Variants in CNTN6 observed in about 807,000 individuals in gnomAD.
CNTN6 encodes the protein contactin 6.
Under a neutral mutation model 122.8 loss-of-function variants are expected in CNTN6, and 137 were observed. That is an observed-to-expected ratio of 1.12 (90% CI 0.97 to 1.29). CNTN6 has a LOEUF of 1.29. Ranked by LOEUF, CNTN6 falls within the 50% of genes most tolerant of loss-of-function variation. The pLI is 0.00. For synonymous variants in CNTN6, 570 were observed against 426.0 expected (o/e 1.34, Z -4.16); for missense variants, 1,634 against 1,223.4 (o/e 1.34, Z -5.01).
intron 1 of CNTN6, among the ~76,000 whole-genome samples, chr3:1,127,083 A>G (rs1393389524): frequency 1.3e-5 from 2 of 151,690 alleles, no homozygotes; most frequent in East Asian, 1.9e-4. Flanking sequence ...TATATATTTT[A>G]TATGTGCTAT....
chr3:1,242,963 G>A (rs190911852), intron 4 of CNTN6, among the ~76,000 whole-genome samples: 3,305 of 138,410 alleles, frequency 0.024, 161 homozygotes, highest in East Asian at 0.16. Context: ...GGTAGCCTCC[G>A]TATTGATTAA....
intron 4 of CNTN6, among the ~76,000 whole-genome samples, chr3:1,273,058 A>T (rs1273120597): frequency 6.6e-6 from 1 of 152,102 alleles, no homozygotes. Flanking sequence ...CTTATTCGTG[A>T]CTGCATTTTT....
chr3:1,112,899 CAT>C (rs759812828), intron 1 of CNTN6, among the ~76,000 whole-genome samples: 2 of 152,054 alleles, frequency 1.3e-5, no homozygotes, highest in African/African-American at 2.4e-5. Flanking sequence ...GAAAAGCAAA[CAT>C]AAGAAATTTT....
intron 2 of CNTN6, among the ~76,000 whole-genome samples, chr3:1,157,192 T>TA (rs1553609939): frequency 6.8e-6 from 1 of 146,972 alleles, no homozygotes; most frequent in African/African-American, 2.5e-5. Context: ...AATTATACTC[T>TA]TTTATTTATT....
chr3:1,350,476 C>G (rs1705454239), intron 11 of CNTN6, among the ~76,000 whole-genome samples: 2 of 151,826 alleles, frequency 1.3e-5, no homozygotes, highest in Non-Finnish European at 1.5e-5. Context: ...CTCTCAGTAC[C>G]TTAAACAGTA....
At chr3:1,342,581 G>C (rs1006869378) in intron 11 of CNTN6, among the ~76,000 whole-genome samples, 2 of 151,608 alleles carry the variant, frequency 1.3e-5, no homozygotes, top group Admixed American at 6.6e-5. Context: ...ATTACACTCT[G>C]CCTAATATAA....
intron 7 of CNTN6, chr3:1,298,201 A>C (rs1696610655): frequency 2.0e-6 from 1 of 495,564 alleles, no homozygotes; most frequent in Admixed American, 3.5e-5. Flanking sequence ...TCAGGGCTGC[A>C]ATTCTTCCCT....
Position 1,352,469 on chromosome 3 carries a change from T to C in CNTN6, c.1492+18T>C, listed in dbSNP as rs1276567541. On this transcript the variant is annotated intron_variant, in intron 12 of 22. Coordinates refer to ENST00000446702, the MANE Select transcript of CNTN6 (RefSeq NM_001289080.2). ...TGTAAAAGGTATCATATTATCTTCA[T>C]TTGTGCTTGATGAACATTGTAAATA... is the stretch of plus-strand genomic sequence containing the variant. 12 of 1,608,808 alleles carry C rather than the reference T, an allele frequency of 7.5e-6. No homozygotes were observed. In the Admixed American group the frequency reaches 2.0e-4, roughly 27 times the overall value.
At chr3:1,266,207 T>C (rs573916944) in intron 4 of CNTN6, among the ~76,000 whole-genome samples, 2 of 152,256 alleles carry the variant, frequency 1.3e-5, no homozygotes, top group East Asian at 3.9e-4. Context: ...CTCCCTCCCT[T>C]TATCTAAACC....
At chr3:1,330,112 T>C (rs1702089035) in intron 11 of CNTN6, among the ~76,000 whole-genome samples, 177 bp downstream of exon 11, 1 of 151,892 alleles carries the variant, frequency 6.6e-6, no homozygotes, top group Non-Finnish European at 1.5e-5. Flanking sequence ...AAGGATCTTA[T>C]AAAATAAAGA....
Position 1,179,284 on chromosome 3 carries a change from G to T in CNTN6, c.55+31221G>T, listed in dbSNP as rs187188696. ...ACTAGGCCCACTTCCAACACTAAAG[G>T]TTATATTTCAGCATGAGATTTGGAG... On this transcript the variant is annotated intron_variant, in intron 2 of 22. Coordinates refer to ENST00000446702, the MANE Select transcript of CNTN6 (RefSeq NM_001289080.2). Among the ~76,000 whole-genome samples, 28 of 152,114 alleles carry T rather than the reference G, an allele frequency of 1.8e-4. No homozygotes were observed. In the East Asian group the frequency reaches 5.4e-3, roughly 29 times the overall value.
chr3:1,199,221 C>G (rs2093824863), intron 2 of CNTN6, among the ~76,000 whole-genome samples: 1 of 144,940 alleles, frequency 6.9e-6, no homozygotes, highest in Admixed American at 7.0e-5. Context: ...CTCTGTCACT[C>G]AGTCTGGAGA....
chr3:1,282,411 G>C (rs78367778), intron 5 of CNTN6, among the ~76,000 whole-genome samples: 1 of 152,140 alleles, frequency 6.6e-6, no homozygotes, highest in African/African-American at 2.4e-5. Context: ...AGTTCAAGAC[G>C]CTCTATTTTA....
At chr3:1,203,074 A>C (rs2093908241) in intron 2 of CNTN6, among the ~76,000 whole-genome samples, 1 of 152,216 alleles carries the variant, frequency 6.6e-6, no homozygotes, top group African/African-American at 2.4e-5. Flanking sequence ...AGTACAGGAA[A>C]TATGTAAGAG....
At chr3:1,233,707 T>C (rs1010788687) in intron 4 of CNTN6, among the ~76,000 whole-genome samples, 26 of 126,686 alleles carry the variant, frequency 2.1e-4, no homozygotes, top group African/African-American at 7.1e-4. Context: ...TACACTCCAG[T>C]CTGGGCAACA....
chr3:1,102,882 C>T (rs370561131), intron 1 of CNTN6, among the ~76,000 whole-genome samples: 29 of 150,856 alleles, frequency 1.9e-4, no homozygotes, highest in East Asian at 3.9e-4. Context: ...CCGAGGCGGG[C>T]GGATCACGAG....
chr3:1,136,539 T>C (rs1000344859), intron 1 of CNTN6, among the ~76,000 whole-genome samples: 1 of 152,200 alleles, frequency 6.6e-6, no homozygotes, highest in Non-Finnish European at 1.5e-5. Context: ...TTATTTAGCC[T>C]TGCATTTTGC....
intron 2 of CNTN6, among the ~76,000 whole-genome samples, chr3:1,168,982 AGGCGTATTCCT>A (rs1392255931): frequency 4.6e-5 from 7 of 152,180 alleles, no homozygotes; most frequent in Non-Finnish European, 8.8e-5. Context: ...GTGTTTAAAA[AGGCGTATTCCT>A]GGCAAGGGAA....
intron 4 of CNTN6, among the ~76,000 whole-genome samples, chr3:1,242,654 A>G (rs1460656345): frequency 6.6e-6 from 1 of 152,146 alleles, no homozygotes; most frequent in Non-Finnish European, 1.5e-5. Flanking sequence ...TTGTGGGTTA[A>G]GGTGGGGGGA....
Sources: allele counts gnomAD v4.1 joint callset (sites outside exome capture counted in the v4.1 genomes callset), GRCh38; gene constraint gnomAD v4.1.1; transcripts MANE v1.5; gene names NCBI Gene and HGNC (gene_info 2026-07-23, HGNC 2026-07-21).